TEX14: variants seen among roughly 807,000 people sequenced by gnomAD.
TEX14 encodes the protein inactive serine/threonine-protein kinase TEX14.
In TEX14, 168 loss-of-function variants were observed where a neutral mutation model predicts 178.6. The ratio of observed to expected loss-of-function variants is 0.94; its 90% CI spans 0.83 to 1.07. The LOEUF is 1.07. Among genes scored for constraint, TEX14 ranks in the 50% least tolerant of loss-of-function variants. TEX14 has a pLI of 0.00. For missense variants in TEX14, 1,730 were observed against 1,753.6 expected (o/e 0.99, Z 0.24); for synonymous variants, 626 against 634.1 (o/e 0.99, Z 0.19).
intron 28 of TEX14, among the ~76,000 whole-genome samples, chr17:58,563,585 A>C (rs1490224894): frequency 2.2e-5 from 3 of 138,276 alleles, no homozygotes; most frequent in Non-Finnish European, 1.5e-5. Flanking sequence ...CTAGGACTTC[A>C]AGTTCAGCCT....
chr17:58,651,441 C>T (rs549677344), intron 2 of TEX14, among the ~76,000 whole-genome samples: 5 of 152,146 alleles, frequency 3.3e-5, no homozygotes, highest in African/African-American at 9.7e-5. Flanking sequence ...CTGCCTGTAT[C>T]CTTCAGCTAG....
intron 5 of TEX14, among the ~76,000 whole-genome samples, chr17:58,620,853 T>TG (rs34688913): frequency 0.23 from 34,719 of 151,886 alleles, 5,114 homozygotes; most frequent in Middle Eastern, 0.41. Flanking sequence ...CTGGCCAGAG[T>TG]GGCACGCAGC....
chr17:58,590,789 A>C, intron 15 of TEX14, among the ~76,000 whole-genome samples: 1 of 151,996 alleles, frequency 6.6e-6, no homozygotes. Flanking sequence ...TCCTGGGCTC[A>C]AGTGATCTGC....
intron 2 of TEX14, among the ~76,000 whole-genome samples, chr17:58,640,305 C>CAA (rs71143261): frequency 2.1e-4 from 28 of 130,436 alleles, no homozygotes; most frequent in Admixed American, 4.7e-4. Flanking sequence ...GACTCTGTCC[C>CAA]AAAAAAAAAA....
At position 58,599,357 on chromosome 17, in the gene TEX14, T is replaced by C; in HGVS notation, c.1988A>G (p.Glu663Gly). Residue 663 changes from glutamate (E) to glycine (G), a missense_variant, in exon 14 of 32, where the codon GAG becomes GGG. Physicochemically the swap from Glu to Gly is moderately conservative, Grantham distance 98. Coordinates refer to ENST00000349033, the MANE Select transcript of TEX14 (RefSeq NM_031272.5). ...QVDELKSMEEELDKMEREACC... is the reference protein window; with the variant it reads ...QVDELKSMEEGLDKMEREACC... ...CGCCTCTCTCTCCATCTTATCCAGCTCTTCTTCCATGGATTTCAGTTCATC... is the reference window on the plus strand; with the variant it reads ...CGCCTCTCTCTCCATCTTATCCAGCCCTTCTTCCATGGATTTCAGTTCATC... 1.2e-6 allele frequency: 2 copies of C among 1,614,120 alleles called. No individual in the cohort carries two copies. Among genetic ancestry groups the C allele is most frequent in the Non-Finnish European group, 1.7e-6 (2 of 1,180,034 alleles).
intron 1 of TEX14, among the ~76,000 whole-genome samples, chr17:58,688,020 G>A (rs896604427): frequency 2.6e-5 from 4 of 152,140 alleles, no homozygotes; most frequent in Non-Finnish European, 4.4e-5. Flanking sequence ...TGCTAATCCT[G>A]AATGTAGACC....
chr17:58,561,107 C>T (rs2044264814), intron 29 of TEX14, among the ~76,000 whole-genome samples: 1 of 152,178 alleles, frequency 6.6e-6, no homozygotes, highest in South Asian at 2.1e-4. Context: ...GGATCTTTGA[C>T]CTTTATCTTT....
intron 12 of TEX14, 106 bp downstream of exon 12, chr17:58,602,294 T>G: frequency 9.0e-7 from 1 of 1,116,328 alleles, no homozygotes; most frequent in Non-Finnish European, 1.3e-6. Flanking sequence ...AAATGAGGAT[T>G]TCCAAAATTT....
rs1052238754 is a variant in TEX14, at chr17:58,617,775, A to C, written c.555-156T>G. Among the ~76,000 whole-genome samples the C allele has an allele frequency of 2.6e-4, 39 of 152,350 alleles. 1 individual carries two copies. Among genetic ancestry groups the C allele is most frequent in the Admixed American group, 2.5e-3 (39 of 15,306 alleles). ...GAGATGATGTAACAGCCAGCCTCTG[A>C]GAGGGCCTCTATGATTCTCACTTAC... On this transcript the variant is annotated intron_variant, in intron 5 of 31. Coordinates refer to ENST00000349033, the MANE Select transcript of TEX14 (RefSeq NM_031272.5).
At chr17:58,653,225 G>A (rs763316963) in intron 1 of TEX14, among the ~76,000 whole-genome samples, 1 of 152,052 alleles carries the variant, frequency 6.6e-6, no homozygotes, top group African/African-American at 2.4e-5. Context: ...CGTGAGCCAC[G>A]GCGCCTGGTC....
intron 1 of TEX14, among the ~76,000 whole-genome samples, chr17:58,678,882 C>T (rs941280198): frequency 5.3e-5 from 8 of 149,992 alleles, no homozygotes; most frequent in African/African-American, 1.5e-4. Context: ...AGCCAGGCGC[C>T]GTGGCTCACA....
chr17:58,589,068 G>T (rs1391310963), intron 15 of TEX14, among the ~76,000 whole-genome samples: 3 of 151,700 alleles, frequency 2.0e-5, no homozygotes, highest in Non-Finnish European at 2.9e-5. Context: ...GAGTTGAGGT[G>T]AGCCTGGCCA....
chr17:58,651,016 C>T (rs1335478981), intron 2 of TEX14, among the ~76,000 whole-genome samples: 1 of 152,214 alleles, frequency 6.6e-6, no homozygotes, highest in Non-Finnish European at 1.5e-5. Flanking sequence ...TCCTGTAATC[C>T]TAGCACTTTG....
intron 30 of TEX14, among the ~76,000 whole-genome samples, chr17:58,558,998 C>T (rs780943426): frequency 2.0e-5 from 3 of 151,974 alleles, no homozygotes; most frequent in Non-Finnish European, 2.9e-5. Flanking sequence ...GGTGAAACCC[C>T]GTCTCTACTA....
intron 23 of TEX14, 83 bp downstream of exon 23, chr17:58,573,098 T>C: frequency 1.3e-6 from 2 of 1,563,278 alleles, no homozygotes; most frequent in South Asian, 1.2e-5. Flanking sequence ...CCACCAGCTC[T>C]GATACCACGG....
At chr17:58,659,235 T>TTCCAAACACAA (rs57065505) in intron 1 of TEX14, 11 of 493,428 alleles carry the variant, frequency 2.2e-5, no homozygotes, top group Non-Finnish European at 2.6e-5. Flanking sequence ...AGCAAACACA[T>TTCCAAACACAA]AGTAAAAACC....
Position 58,565,793 on chromosome 17 carries a change from C to T in TEX14, c.3918G>A (p.Thr1306=), listed in dbSNP as rs372034132. Residue 1306 remains threonine, a synonymous_variant, in exon 27 of 32, where the codon ACG becomes ACA. Coordinates refer to ENST00000349033, the MANE Select transcript of TEX14 (RefSeq NM_031272.5). The stretch of plus-strand genomic sequence containing the variant: ...CACTTGCTGTGTTCTCATGCAACAC[C>T]GTGGATGAGCCCTGCTGCTGTTTCA... The part of the protein sequence containing the change: ...ELLKQQQGSS[T]VLHENTASDG... 1.3e-5 allele frequency: 21 copies of T among 1,609,414 alleles called. No homozygotes were observed. Among genetic ancestry groups the T allele is most frequent in the African/African-American group, 1.2e-4 (9 of 74,864 alleles).
At chr17:58,620,865 C>T (rs1055465180) in intron 5 of TEX14, among the ~76,000 whole-genome samples, 1 of 152,058 alleles carries the variant, frequency 6.6e-6, no homozygotes, top group Non-Finnish European at 1.5e-5. Flanking sequence ...GCACGCAGCA[C>T]AGCCGTTAGG....
chr17:58,561,758 T>C, intron 28 of TEX14, 146 bp from the exon 29 acceptor site: 1 of 607,660 alleles, frequency 1.6e-6, no homozygotes. Flanking sequence ...AGTGAGATTG[T>C]GTCTGGAGTC....
Sources: gnomAD v4.1 joint callset for allele counts (sites outside exome capture counted in the v4.1 genomes callset) on GRCh38, gnomAD v4.1.1 for gene constraint, MANE v1.5 for transcripts, NCBI Gene and HGNC (gene_info 2026-07-23, HGNC 2026-07-21) for gene names.